The following LMF1 variants were observed in gnomAD, a reference collection of about 807,000 sequenced individuals.
The protein encoded by LMF1 is lipase maturation factor 1.
LMF1 carries 68 observed loss-of-function variants against 60.6 expected under a neutral mutation model. That is an observed-to-expected ratio of 1.12 (90% CI 0.92 to 1.37). LMF1 has a LOEUF of 1.37. Among genes scored for constraint, LMF1 ranks in the 40% most tolerant of loss-of-function variants. The pLI, the probability that LMF1 is intolerant of heterozygous loss-of-function variation, is 0.00. For missense variants in LMF1, 948 were observed against 767.2 expected, an observed-to-expected ratio of 1.24 and a Z score of -2.78; for synonymous variants, 418 against 324.7, an observed-to-expected ratio of 1.29 and a Z score of -3.09.
intron 3 of LMF1, among the ~76,000 whole-genome samples, chr16:928,784 GGCCC>G (rs2071686241): frequency 6.6e-6 from 1 of 152,090 alleles, no homozygotes; most frequent in South Asian, 2.1e-4. Context: ...CCCCCATGGG[GGCCC>G]AGTGGTGCAA....
intron 3 of LMF1, among the ~76,000 whole-genome samples, chr16:918,225 C>T (rs527530856): frequency 2.6e-5 from 4 of 152,314 alleles, no homozygotes; most frequent in South Asian, 4.1e-4. Context: ...TGGGCGCTGC[C>T]GAGAAACAGG....
chr16:918,833 G>GGCGTCCTGGGGC (rs879352284), intron 3 of LMF1, among the ~76,000 whole-genome samples: 31 of 151,366 alleles, frequency 2.0e-4, no homozygotes, highest in South Asian at 4.2e-4. Context: ...ACGCGGGGCC[G>GGCGTCCTGGGGC]GCATCCCGGG....
In LMF1 at chr16:960,526, T is replaced by C. The variant is rs375020435; in HGVS notation, c.194-5860A>G. ...GGATCACAACCCAGACACCATCTCA[T>C]GGTGACAACACGGGATCACGACCCA... On this transcript the variant is annotated intron_variant, in intron 1 of 10. Transcript: ENST00000262301. 4.5e-4 allele frequency among the ~76,000 whole-genome samples: 46 copies of C among 102,342 alleles called. 1 individual carries two copies. Among genetic ancestry groups the C allele is most frequent in the East Asian group, 1.7e-3 (6 of 3,510 alleles). The allele number at this position is 102,342 out of a possible 152,430, so 67.1% of individuals were successfully genotyped here. A position where few individuals can be genotyped will look rare whatever the true frequency, so the allele number is the denominator to read the frequency against.
At chr16:924,171 T>C (rs2071526551) in intron 3 of LMF1, among the ~76,000 whole-genome samples, 1 of 152,220 alleles carries the variant, frequency 6.6e-6, no homozygotes, top group South Asian at 2.1e-4. Flanking sequence ...CATTAGGGTG[T>C]GTGAGGGCAA....
intron 5 of LMF1, among the ~76,000 whole-genome samples, chr16:891,831 C>T (rs2070497762): frequency 1.3e-5 from 2 of 152,214 alleles, no homozygotes; most frequent in Non-Finnish European, 1.5e-5. Context: ...GCGAAAGCCT[C>T]TCACACACGT....
intron 2 of LMF1, among the ~76,000 whole-genome samples, chr16:945,369 TA>T (rs1435598564): frequency 6.6e-6 from 1 of 151,562 alleles, no homozygotes; most frequent in Non-Finnish European, 1.5e-5. Flanking sequence ...CTACAAAAAA[TA>T]AAAATATTAG....
chr16:977,091 C>T (rs961544900), intron 1 of LMF1: 4 of 454,042 alleles, frequency 8.8e-6, no homozygotes, highest in African/African-American at 2.0e-5. Context: ...GAAAGCACTG[C>T]TCCTGCAAGG....
chr16:946,444 G>A (rs2151457138), intron 2 of LMF1, among the ~76,000 whole-genome samples: 1 of 152,348 alleles, frequency 6.6e-6, no homozygotes, highest in Middle Eastern at 3.4e-3. Flanking sequence ...AGCCTCTGCA[G>A]AAGGCACCCA....
intron 3 of LMF1, among the ~76,000 whole-genome samples, chr16:912,604 G>A (rs1010009455): frequency 3.3e-5 from 5 of 152,238 alleles, no homozygotes; most frequent in African/African-American, 1.2e-4. Context: ...CCGGCTTATG[G>A]AGGGCACAGG....
chr16:899,462 T>C (rs1326319540), intron 4 of LMF1: 1 of 152,146 alleles, frequency 6.6e-6, no homozygotes, highest in East Asian at 1.9e-4. Context: ...AATAAAGCAA[T>C]TAGGATAATT....
intron 2 of LMF1, among the ~76,000 whole-genome samples, chr16:943,297 G>A (rs1213953932): frequency 6.6e-6 from 1 of 151,128 alleles, no homozygotes; most frequent in Non-Finnish European, 1.5e-5. Context: ...AGTGAACCCA[G>A]GAGGTGGAGC....
At chr16:875,353 G>A (rs1215007488) in intron 6 of LMF1, among the ~76,000 whole-genome samples, 5 of 152,130 alleles carry the variant, frequency 3.3e-5, no homozygotes, top group African/African-American at 1.2e-4. Flanking sequence ...GCCTGCACCA[G>A]GGCCCGTTGG....
upstream of LMF1, among the ~76,000 whole-genome samples, chr16:971,606 A>AG (rs1036187509): frequency 2.6e-5 from 4 of 152,176 alleles, no homozygotes; most frequent in East Asian, 7.7e-4. Flanking sequence ...GTGGGGGAAG[A>AG]GGGGGACTCA....
At chr16:933,020 C>A (rs1224093910) in intron 3 of LMF1, 2 of 152,258 alleles carry the variant, frequency 1.3e-5, no homozygotes, top group East Asian at 3.8e-4. Context: ...AGGCAAAAAA[C>A]CAGCTGGTTC....
At chr16:891,682 C>A (rs1276829694) in intron 5 of LMF1, among the ~76,000 whole-genome samples, 1 of 152,114 alleles carries the variant, frequency 6.6e-6, no homozygotes, top group Non-Finnish European at 1.5e-5. Context: ...GACACAGGCC[C>A]CCCTGCCCAC....
Position 897,834 on chromosome 16 carries a change from C to T in LMF1, c.664-4762G>A, listed in dbSNP as rs537947153. On this transcript the variant is annotated intron_variant, in intron 4 of 10. Transcript: ENST00000262301. This position sits in a 1 kb window ranked among gnomAD's most constrained non-coding sequence, Gnocchi z 4.3. The stretch of plus-strand genomic sequence containing the variant: ...CCTGGCTCCGTGGCTTTCCTGTCTT[C>T]CTGGGATGGTTTCCGCACTTTCTTG... Among the ~76,000 whole-genome samples the T allele has an allele frequency of 6.6e-6, 1 of 152,336 alleles. No homozygotes were observed. Among genetic ancestry groups the T allele is most frequent in the Non-Finnish European group, 1.5e-5 (1 of 68,028 alleles).
At chr16:947,917 C>G (rs1464825704) in intron 2 of LMF1, among the ~76,000 whole-genome samples, 4 of 148,570 alleles carry the variant, frequency 2.7e-5, no homozygotes, top group Non-Finnish European at 4.4e-5. Flanking sequence ...CAGCCAACGA[C>G]AGAGTCAGCC....
chr16:931,713 G>C, intron 3 of LMF1: 5 of 1,287,222 alleles, frequency 3.9e-6, no homozygotes, highest in Non-Finnish European at 5.1e-6. Flanking sequence ...ATGGCTGCTC[G>C]GAAGGCAGGG....
chr16:884,587 G>A (rs1270671091), intron 5 of LMF1, among the ~76,000 whole-genome samples: 1 of 152,208 alleles, frequency 6.6e-6, no homozygotes, highest in African/African-American at 2.4e-5. Flanking sequence ...ATCACAGATG[G>A]AAACCTGGAT....
Sources: allele counts gnomAD v4.1 joint callset (sites outside exome capture counted in the v4.1 genomes callset), GRCh38; gene constraint gnomAD v4.1.1; non-coding constraint Gnocchi (gnomAD v3.1); transcripts MANE v1.5; gene names NCBI Gene and HGNC (gene_info 2026-07-23, HGNC 2026-07-21).